Variants in ALK observed in about 807,000 individuals in gnomAD.
The protein encoded by ALK is ALK receptor tyrosine kinase.
ALK carries 74 observed loss-of-function variants against 163.1 expected under a neutral mutation model. The observed-to-expected ratio is 0.45, with a 90% CI of 0.38 to 0.55. The LOEUF is 0.55. ALK is among the 20% of genes least tolerant of loss of function. ALK has a pLI of 0.00. For synonymous variants in ALK, 960 were observed against 843.2 expected, an observed-to-expected ratio of 1.14 and a Z score of -2.40; for missense variants, 2,063 against 2,105.3, an observed-to-expected ratio of 0.98 and a Z score of 0.39.
intron 9 of ALK, among the ~76,000 whole-genome samples, chr2:29,292,902 G>C (rs769935053): frequency 6.6e-6 from 1 of 152,144 alleles, no homozygotes; most frequent in Non-Finnish European, 1.5e-5. Flanking sequence ...CCTTCCCGAG[G>C]ACTACTGTGT....
At chr2:29,196,987 C>A in intron 27 of ALK, 127 bp from the exon 28 acceptor site, 2 of 732,050 alleles carry the variant, frequency 2.7e-6, no homozygotes, top group Non-Finnish European at 4.8e-6. Context: ...GTGTACTTGG[C>A]CTATGCTGCC....
rs146415993 is a variant in ALK, at chr2:29,617,818, C to T, written c.952+77032G>A. On this transcript the variant is annotated intron_variant, in intron 3 of 28. Coordinates refer to ENST00000389048, the MANE Select transcript of ALK (RefSeq NM_004304.5). ...TCTAACAAGTGTCAGAATAACTTCT[C>T]TAACAGTATGTGCATGTGACTATTG... Among the ~76,000 whole-genome samples, 232 of 152,330 alleles carry T rather than the reference C, an allele frequency of 1.5e-3. 2 individuals are homozygous for T. The highest frequency in any genetic ancestry group is 5.2e-3 in the African/African-American group (218 of 41,576).
intron 4 of ALK, among the ~76,000 whole-genome samples, chr2:29,441,135 A>G (rs946900834): frequency 6.6e-6 from 1 of 152,220 alleles, no homozygotes; most frequent in Non-Finnish European, 1.5e-5. Flanking sequence ...CGCCCTGCTC[A>G]GGGGCAGAAC....
rs749530596 is a variant in ALK at position 29,920,245 on chromosome 2, T to C, written c.415A>G (p.Lys139Glu). 1.4e-5 allele frequency: 22 copies of C among 1,609,276 alleles called. No individual in the cohort carries two copies. Among genetic ancestry groups the C allele is most frequent in the South Asian group, 1.3e-4 (12 of 90,580 alleles). ...GGSVRKLRRA[K>E]QLVLELGEEA... Reference sequence around the variant, plus strand: ...TCGCCCAGCTCCAGCACCAACTGCTTGGCACGCCGGAGCTTGCGCACGGAG... The same window carrying C: ...TCGCCCAGCTCCAGCACCAACTGCTCGGCACGCCGGAGCTTGCGCACGGAG... Residue 139 changes from lysine to glutamate, a missense_variant, in exon 1 of 29, where the codon AAG becomes GAG. By Grantham distance (56) the Lys-to-Glu change is moderately conservative (BLOSUM62 1). This residue lies in a region of ALK where 987 missense variants were observed against 939.5 expected (regional missense o/e 1.05). Coordinates refer to ENST00000389048, the MANE Select transcript of ALK (RefSeq NM_004304.5).
At chr2:29,355,280 A>G (rs904751489) in intron 5 of ALK, among the ~76,000 whole-genome samples, 1 of 152,052 alleles carries the variant, frequency 6.6e-6, no homozygotes, top group East Asian at 1.9e-4. Context: ...TGATTCTCCT[A>G]TTTTCAGCTG....
chr2:29,355,286 A>G (rs1411991307), intron 5 of ALK, among the ~76,000 whole-genome samples: 1 of 152,154 alleles, frequency 6.6e-6, no homozygotes, highest in Non-Finnish European at 1.5e-5. Flanking sequence ...TCCTATTTTC[A>G]GCTGGGAAAA....
chr2:29,738,003 G>A (rs1044571693), intron 1 of ALK, among the ~76,000 whole-genome samples: 6 of 152,016 alleles, frequency 3.9e-5, no homozygotes, highest in Non-Finnish European at 8.8e-5. Context: ...CCTAATTTGA[G>A]CCCTGAAACC....
At chr2:29,287,422 T>A (rs779059735) in intron 9 of ALK, among the ~76,000 whole-genome samples, 1 of 152,212 alleles carries the variant, frequency 6.6e-6, no homozygotes, top group Non-Finnish European at 1.5e-5. Context: ...TTCAACTGAA[T>A]TATGTAACCA....
chr2:29,640,537 G>T (rs2148245099), intron 3 of ALK, among the ~76,000 whole-genome samples: 1 of 152,290 alleles, frequency 6.6e-6, no homozygotes, highest in East Asian at 1.9e-4. Flanking sequence ...GCCACATTCT[G>T]TACATGCCTA....
chr2:29,908,482 T>TTC (rs376553831), intron 1 of ALK, among the ~76,000 whole-genome samples: 2 of 152,350 alleles, frequency 1.3e-5, no homozygotes, highest in East Asian at 3.9e-4. Context: ...CAAGACCCTA[T>TTC]TCTCAAATTA....
At chr2:29,703,942 C>T (rs1015048400) in intron 2 of ALK, among the ~76,000 whole-genome samples, 1 of 152,144 alleles carries the variant, frequency 6.6e-6, no homozygotes, top group African/African-American at 2.4e-5. Flanking sequence ...CTGAATGTCA[C>T]CTCTTCAGGG....
At chr2:29,584,493 A>G (rs2148201264) in intron 3 of ALK, among the ~76,000 whole-genome samples, 1 of 152,320 alleles carries the variant, frequency 6.6e-6, no homozygotes, top group East Asian at 1.9e-4. Context: ...AGGCATCCAC[A>G]CATCCGTGTG....
At chr2:29,752,931 T>C (rs1348431291) in intron 1 of ALK, among the ~76,000 whole-genome samples, 1 of 152,164 alleles carries the variant, frequency 6.6e-6, no homozygotes, top group Admixed American at 6.5e-5. Flanking sequence ...GCCTACACTC[T>C]AGCAGCAGCA....
chr2:29,854,388 T>C (rs952701056), intron 1 of ALK, among the ~76,000 whole-genome samples: 1 of 152,050 alleles, frequency 6.6e-6, no homozygotes. Flanking sequence ...AGCTGGTTGT[T>C]TAAAGGAGCC....
chr2:29,805,277 C>G (rs867118943), intron 1 of ALK, among the ~76,000 whole-genome samples: 1 of 152,192 alleles, frequency 6.6e-6, no homozygotes, highest in Non-Finnish European at 1.5e-5. Context: ...GCTCGAGCTC[C>G]TGGGAGCACT....
intron 5 of ALK, among the ~76,000 whole-genome samples, chr2:29,329,112 G>T (rs767045482): frequency 6.6e-6 from 1 of 152,056 alleles, no homozygotes; most frequent in Non-Finnish European, 1.5e-5. Context: ...ATCAAAGGAG[G>T]GATTTCTATT....
intron 4 of ALK, among the ~76,000 whole-genome samples, chr2:29,394,558 TG>T (rs1480473597): frequency 6.6e-6 from 1 of 152,170 alleles, no homozygotes; most frequent in East Asian, 1.9e-4. Flanking sequence ...TGGATGGTGC[TG>T]GCATTCCAGG....
intron 8 of ALK, among the ~76,000 whole-genome samples, chr2:29,297,825 T>C (rs1320062543): frequency 7.0e-6 from 1 of 142,838 alleles, no homozygotes; most frequent in Non-Finnish European, 1.6e-5. Context: ...TAGGACATAC[T>C]ATAAACAAGG....
At chr2:29,659,522 C>T (rs765756023) in intron 3 of ALK, among the ~76,000 whole-genome samples, 1 of 152,058 alleles carries the variant, frequency 6.6e-6, no homozygotes, top group African/African-American at 2.4e-5. Context: ...CCTTAAGAAG[C>T]GTAGGGCATT....
Sources: gnomAD v4.1 joint callset for allele counts (sites outside exome capture counted in the v4.1 genomes callset) on GRCh38, gnomAD v4.1.1 for gene constraint, gnomAD v4.1.1 regional missense constraint, MANE v1.5 for transcripts, NCBI Gene and HGNC (gene_info 2026-07-23, HGNC 2026-07-21) for gene names.